Variants in KBTBD2 observed in about 807,000 individuals in gnomAD.
The protein encoded by KBTBD2 is kelch repeat and BTB domain-containing protein 2.
KBTBD2 carries 17 observed loss-of-function variants against 57.1 expected under a neutral mutation model. That is an observed-to-expected ratio of 0.30 (90% CI 0.20 to 0.45). The LOEUF (loss-of-function observed/expected upper bound fraction) is 0.45. Ranked by LOEUF, KBTBD2 falls within the 20% of genes least tolerant of loss-of-function variation. The pLI, the probability that KBTBD2 is intolerant of heterozygous loss-of-function variation, is 1.00. For missense variants in KBTBD2, 515 were observed against 750.6 expected (o/e 0.69, Z 3.67); for synonymous variants, 267 against 262.7 (o/e 1.02, Z -0.16).
At chr7:32,890,234 A>G (rs1046533473) in intron 1 of KBTBD2, among the ~76,000 whole-genome samples, 1 of 152,222 alleles carries the variant, frequency 6.6e-6, no homozygotes, top group Non-Finnish European at 1.5e-5. Context: ...CCCCAACCTA[A>G]AAGGGCTTCA....
At chr7:32,884,988 A>G (rs1414017390) in intron 1 of KBTBD2, among the ~76,000 whole-genome samples, 1 of 113,382 alleles carries the variant, frequency 8.8e-6, no homozygotes, top group East Asian at 3.2e-4. Context: ...ATATATATAT[A>G]TACACATATA....
chr7:32,886,049 C>A (rs1445067707), intron 1 of KBTBD2, among the ~76,000 whole-genome samples: 1 of 152,016 alleles, frequency 6.6e-6, no homozygotes, highest in Non-Finnish European at 1.5e-5. Context: ...GCTGGGATTA[C>A]AGGCACGCAC....
In KBTBD2 at chr7:32,877,928, G is replaced by T. The variant is rs59967693; in HGVS notation, c.170+1507C>A. Among the ~76,000 whole-genome samples, 949 of 151,748 alleles carry T rather than the reference G, an allele frequency of 6.3e-3. 10 individuals carry two copies. Among genetic ancestry groups the T allele is most frequent in the African/African-American group, 0.022 (917 of 41,366 alleles). On this transcript the variant is annotated intron_variant, in intron 2 of 3. Transcript: ENST00000304056. ...GTTTGAGACCAGCGTGGGCAACATG[G>T]TGAAACCCCGTCTCTACTAAAAATA...
At chr7:32,873,703 C>T (rs1032797324) in intron 3 of KBTBD2, among the ~76,000 whole-genome samples, 2 of 152,158 alleles carry the variant, frequency 1.3e-5, no homozygotes, top group Non-Finnish European at 2.9e-5. Context: ...CAGTGCACTC[C>T]AGCCTGGGCA....
intron 2 of KBTBD2, among the ~76,000 whole-genome samples, chr7:32,878,535 G>A (rs183435702): frequency 4.4e-4 from 67 of 150,768 alleles, no homozygotes; most frequent in African/African-American, 1.4e-3. Flanking sequence ...AGCCGAGATC[G>A]CGCCACTGCA....
At chr7:32,888,108 T>C (rs1031299177) in intron 1 of KBTBD2, among the ~76,000 whole-genome samples, 1 of 152,244 alleles carries the variant, frequency 6.6e-6, no homozygotes, top group African/African-American at 2.4e-5. Flanking sequence ...AAATGGTATT[T>C]TACATAAGAG....
chr7:32,868,202 A>C lies in KBTBD2; in HGVS notation c.*1143T>G, dbSNP rs1265215701. ...TATATACAATTTATTTAATAAATTA[A>C]TGTCATTCAAAATACAGTGCCAGAA... On this transcript the variant is annotated 3_prime_UTR_variant, in exon 4 of 4. Transcript: ENST00000304056. The C allele has an allele frequency of 1.3e-5, 2 of 152,672 alleles. No homozygotes were observed. The highest frequency in any genetic ancestry group is 2.9e-5 in the Non-Finnish European group (2 of 68,048). 9.5% of individuals were successfully genotyped at this position (152,672 alleles called of 1,614,324 possible).
intron 1 of KBTBD2, among the ~76,000 whole-genome samples, chr7:32,887,248 C>T (rs1326274196): frequency 6.6e-6 from 1 of 152,180 alleles, no homozygotes; most frequent in African/African-American, 2.4e-5. Context: ...CTAGCAAGGC[C>T]TGCTACAATA....
At chr7:32,876,534 G>A (rs1784315764) in intron 2 of KBTBD2, among the ~76,000 whole-genome samples, 1 of 152,166 alleles carries the variant, frequency 6.6e-6, no homozygotes, top group Admixed American at 6.5e-5. Flanking sequence ...GATAAATGTA[G>A]GATGAATACT....
chr7:32,882,631 T>C (rs1784472563), intron 1 of KBTBD2, among the ~76,000 whole-genome samples: 2 of 152,160 alleles, frequency 1.3e-5, no homozygotes, highest in African/African-American at 4.8e-5. Flanking sequence ...TACCTTAAAA[T>C]AGGCAGAAAA....
chr7:32,882,875 C>T (rs1175074650), intron 1 of KBTBD2, among the ~76,000 whole-genome samples: 1 of 152,050 alleles, frequency 6.6e-6, no homozygotes. Context: ...ATCCCAGCTA[C>T]CCAGGAAGCT....
In KBTBD2 at chr7:32,872,513, C is replaced by CA. The variant is rs534029641; in HGVS notation, c.337-1634dup. 1.2e-4 allele frequency among the ~76,000 whole-genome samples: 19 copies of CA among 152,080 alleles called. No individual in the cohort carries two copies. In the East Asian group the frequency reaches 1.4e-3, roughly 11 times the overall value. ...TGGGCAACATAAGATCTTGTCTCTA[C>CA]AAAAAAATCAAATAATTAGCCAAGT... On this transcript the variant is annotated intron_variant, in intron 3 of 3. Coordinates refer to ENST00000304056, the MANE Select transcript of KBTBD2 (RefSeq NM_015483.3).
At position 32,879,478 on chromosome 7, in the gene KBTBD2, G is replaced by A; in HGVS notation, c.127C>T (p.Pro43Ser). ...IVLIVEGTEF[P>S]CHKMVLATCS... ...GTTGCAAGAACCATCTTATGACAAG[G>A]GAATTCAGTGCCCTCAACAATTAAC... is the stretch of plus-strand genomic sequence containing the variant. Residue 43 changes from proline (P) to serine (S), a missense_variant, in exon 2 of 4, where the codon CCT becomes TCT. Pro to Ser is a moderately conservative substitution (Grantham distance 74). Coordinates refer to ENST00000304056, the MANE Select transcript of KBTBD2 (RefSeq NM_015483.3). 1.2e-6 allele frequency: 2 copies of A among 1,613,024 alleles called. No individual in the cohort carries two copies. The highest frequency in any genetic ancestry group is 1.7e-6 in the Non-Finnish European group (2 of 1,179,306).
intron 1 of KBTBD2, among the ~76,000 whole-genome samples, chr7:32,886,784 G>A (rs529062659): frequency 6.6e-6 from 1 of 152,182 alleles, no homozygotes; most frequent in East Asian, 1.9e-4. Context: ...AATTTACAAA[G>A]TAAATACTAC....
intron 1 of KBTBD2, among the ~76,000 whole-genome samples, chr7:32,883,870 G>C (rs1399484511): frequency 2.0e-5 from 3 of 152,206 alleles, no homozygotes; most frequent in Non-Finnish European, 4.4e-5. Flanking sequence ...TACAGCCACA[G>C]CTACAGCTGT....
intron 3 of KBTBD2, among the ~76,000 whole-genome samples, chr7:32,871,215 G>T (rs1300697907): frequency 6.6e-6 from 1 of 152,104 alleles, no homozygotes; most frequent in Non-Finnish European, 1.5e-5. Context: ...ATATATAATT[G>T]AGAGAACTAT....
In KBTBD2 at chr7:32,868,820, A is replaced by G. The variant is rs1784091911; in HGVS notation, c.*525T>C. 6.5e-6 allele frequency: 1 copy of G among 154,384 alleles called. No individual in the cohort carries two copies. Among genetic ancestry groups the G allele is most frequent in the African/African-American group, 2.4e-5 (1 of 41,472 alleles). 9.6% of individuals were successfully genotyped at this position (154,384 alleles called of 1,614,324 possible). The stretch of plus-strand genomic sequence containing the variant: ...CTGCAGTCATAGCTTTCCCTGTGTA[A>G]TACCATAAAATTATGGAAGATCTTC... On this transcript the variant is annotated 3_prime_UTR_variant, in exon 4 of 4. Coordinates refer to ENST00000304056, the MANE Select transcript of KBTBD2 (RefSeq NM_015483.3).
chr7:32,874,357 G>A (rs571538579), intron 3 of KBTBD2, among the ~76,000 whole-genome samples: 7 of 151,856 alleles, frequency 4.6e-5, no homozygotes, highest in Admixed American at 2.0e-4. Flanking sequence ...CTGAGATCGC[G>A]CCACTAGACT....
intron 1 of KBTBD2, among the ~76,000 whole-genome samples, chr7:32,883,570 G>A (rs776287199): frequency 7.2e-5 from 11 of 152,012 alleles, no homozygotes; most frequent in South Asian, 2.1e-4. Context: ...CTGATGTGAC[G>A]TATTTTACAA....
Sources: allele counts gnomAD v4.1 joint callset (sites outside exome capture counted in the v4.1 genomes callset), GRCh38; gene constraint gnomAD v4.1.1; transcripts MANE v1.5; gene names NCBI Gene and HGNC (gene_info 2026-07-23, HGNC 2026-07-21).